The following CUL5 variants were observed in gnomAD, a reference collection of about 807,000 sequenced individuals.
The protein encoded by CUL5 is cullin 5.
CUL5 carries 26 observed loss-of-function variants against 108.8 expected under a neutral mutation model. The ratio of observed to expected loss-of-function variants is 0.24; its 90% CI spans 0.18 to 0.33. The LOEUF (loss-of-function observed/expected upper bound fraction) is 0.33, where lower values mean the gene tolerates loss of function less well. CUL5 is among the 10% of genes least tolerant of loss of function. The pLI is 1.00. For missense variants in CUL5, 524 were observed against 909.2 expected (o/e 0.58, Z 5.45); for synonymous variants, 334 against 298.0 (o/e 1.12, Z -1.25).
chr11:108,086,103 G>C (rs901119607), intron 11 of CUL5, among the ~76,000 whole-genome samples: 1 of 152,120 alleles, frequency 6.6e-6, no homozygotes, highest in Admixed American at 6.6e-5. Flanking sequence ...ATAGAAAAGA[G>C]GGTATTAACC....
intron 1 of CUL5, among the ~76,000 whole-genome samples, chr11:108,012,055 A>C (rs955177564): frequency 2.0e-5 from 3 of 152,240 alleles, no homozygotes; most frequent in Admixed American, 6.5e-5. Flanking sequence ...TGACATATAC[A>C]GTTAACTGCT....
intron 13 of CUL5, among the ~76,000 whole-genome samples, chr11:108,091,732 C>CACACACACACACA (rs1555024090): frequency 5.3e-5 from 8 of 149,786 alleles, no homozygotes; most frequent in South Asian, 2.1e-4. Flanking sequence ...CACACACACA[C>CACACACACACACA]GACAAATAAT....
At chr11:108,048,277 A>G (rs1863115784) in intron 3 of CUL5, among the ~76,000 whole-genome samples, 1 of 152,172 alleles carries the variant, frequency 6.6e-6, no homozygotes, top group Non-Finnish European at 1.5e-5. Flanking sequence ...AATAATAAAC[A>G]TAGGTGGAGT....
At chr11:108,012,878 T>A (rs1367717525) in intron 1 of CUL5, among the ~76,000 whole-genome samples, 3 of 152,180 alleles carry the variant, frequency 2.0e-5, no homozygotes, top group Non-Finnish European at 4.4e-5. Context: ...ATTACAGGCG[T>A]GAGCCACTGC....
intron 18 of CUL5, 55 bp downstream of exon 18, chr11:108,098,584 T>C: frequency 1.4e-6 from 2 of 1,398,704 alleles, no homozygotes; most frequent in Non-Finnish European, 1.9e-6. Flanking sequence ...TTTTTTTTTT[T>C]TTTTTTTAAA....
chr11:108,091,991 G>A (rs1864374250), intron 13 of CUL5, among the ~76,000 whole-genome samples: 1 of 152,142 alleles, frequency 6.6e-6, no homozygotes, highest in Admixed American at 6.5e-5. Flanking sequence ...ACAGAAATCA[G>A]CTAGGCATGG....
intron 11 of CUL5, among the ~76,000 whole-genome samples, chr11:108,080,127 T>TC (rs1555021907): frequency 0.018 from 2,531 of 143,272 alleles, 40 homozygotes; most frequent in Middle Eastern, 0.04. Context: ...TTTTTTTTTT[T>TC]CCGGTATTCG....
At chr11:108,021,393 A>G (rs377050615) in intron 1 of CUL5, among the ~76,000 whole-genome samples, 2 of 152,220 alleles carry the variant, frequency 1.3e-5, no homozygotes, top group East Asian at 1.9e-4. Flanking sequence ...TTGTCTTTTC[A>G]TCTTAGCTTT....
At chr11:108,059,535 C>T (rs959926179) in intron 7 of CUL5, among the ~76,000 whole-genome samples, 3 of 152,088 alleles carry the variant, frequency 2.0e-5, no homozygotes, top group Admixed American at 1.3e-4. Flanking sequence ...TACCAGCTGT[C>T]TGCGTTTTGG....
In CUL5 at chr11:108,104,170, A is replaced by G. The variant is rs1186774274; in HGVS notation, c.2149-20A>G. 1 of 1,492,018 alleles carries G rather than the reference A, an allele frequency of 6.7e-7. No individual in the cohort carries two copies. The highest frequency in any genetic ancestry group is 1.3e-5 in the South Asian group (1 of 79,728). 92.4% of individuals were successfully genotyped at this position (1,492,018 alleles called of 1,614,324 possible). ...TAATTTCGTATATTAATGCGCTTTT[A>G]TTTTTATTTTTTCTTTTAGGAAGCT... On this transcript the variant is annotated intron_variant, in intron 18 of 18. Transcript: ENST00000393094.
chr11:108,021,904 T>A (rs1280907041), intron 1 of CUL5, among the ~76,000 whole-genome samples: 2 of 152,198 alleles, frequency 1.3e-5, no homozygotes, highest in East Asian at 3.9e-4. Context: ...AGCCTCGAAC[T>A]CCTGGGCCCA....
intron 2 of CUL5, among the ~76,000 whole-genome samples, chr11:108,039,846 T>C (rs1862847675): frequency 6.6e-6 from 1 of 152,244 alleles, no homozygotes; most frequent in Admixed American, 6.5e-5. Flanking sequence ...TATTGTTTCT[T>C]CATTTTCCCT....
At chr11:108,041,801 A>C (rs1862924577) in intron 2 of CUL5, among the ~76,000 whole-genome samples, 1 of 152,092 alleles carries the variant, frequency 6.6e-6, no homozygotes, top group Non-Finnish European at 1.5e-5. Context: ...CATGTTGGCC[A>C]GGCTGGTCTC....
chr11:108,042,709 G>T (rs895871126), intron 2 of CUL5, among the ~76,000 whole-genome samples: 7 of 151,734 alleles, frequency 4.6e-5, no homozygotes, highest in African/African-American at 1.5e-4. Flanking sequence ...ACCATCTTTT[G>T]TTTATATGCA....
chr11:108,082,249 C>T (rs1591323183), intron 11 of CUL5, among the ~76,000 whole-genome samples: 1 of 149,466 alleles, frequency 6.7e-6, no homozygotes, highest in African/African-American at 2.5e-5. Context: ...CCCTTCCCTC[C>T]CTTTCCCTTC....
intron 7 of CUL5, among the ~76,000 whole-genome samples, chr11:108,067,997 C>T (rs1043392011): frequency 2.6e-5 from 4 of 151,848 alleles, no homozygotes; most frequent in South Asian, 2.1e-4. Flanking sequence ...GGCACGATCT[C>T]GGCTCACTGC....
Position 108,098,525 on chromosome 11 carries a change from C to A in CUL5, c.2144C>A (p.Thr715Asn). The stretch of plus-strand genomic sequence containing the variant: ...ATAGTTCAACTACGAATACTAAGAA[C>A]CCAGGTTTGTAATGTTGACAGAATG... ...EGIVQLRILR[T>N]QEAIIQIMKM... The change falls in exon 18 of 19, where the codon ACC becomes AAC. Residue 715 changes from threonine (T) to asparagine (N), a missense_variant. By Grantham distance (65) the Thr-to-Asn change is moderately conservative (BLOSUM62 0). Around this residue, in one of 8 missense-constraint regions of CUL5, gnomAD observed 66 missense variants for 81.4 expected, o/e 0.81. Coordinates refer to ENST00000393094, the MANE Select transcript of CUL5 (RefSeq NM_003478.6). 2 of 1,545,690 alleles carry A rather than the reference C, an allele frequency of 1.3e-6. No individual in the cohort carries two copies. Among genetic ancestry groups the A allele is most frequent in the Non-Finnish European group, 1.7e-6 (2 of 1,149,860 alleles).
intron 2 of CUL5, 50 bp from the exon 3 acceptor site, chr11:108,046,220 T>A (rs763052749): frequency 7.9e-7 from 1 of 1,264,116 alleles, no homozygotes; most frequent in Admixed American, 1.9e-5. Context: ...GATGTTTTGT[T>A]CAGTTCTTGT....
intron 8 of CUL5, 72 bp from the exon 9 acceptor site, chr11:108,072,260 C>G: frequency 1.6e-6 from 2 of 1,248,770 alleles, no homozygotes; most frequent in Non-Finnish European, 1.1e-6. Context: ...ACATTACAAA[C>G]TTAACTAATG....
Sources: allele counts gnomAD v4.1 joint callset (sites outside exome capture counted in the v4.1 genomes callset), GRCh38; gene constraint gnomAD v4.1.1; regional missense constraint gnomAD v4.1.1; transcripts MANE v1.5; gene names NCBI Gene and HGNC (gene_info 2026-07-23, HGNC 2026-07-21).